Variants in ATP13A4 observed in about 807,000 individuals in gnomAD.
ATP13A4 encodes ATPase 13A4.
ATP13A4 carries 114 observed loss-of-function variants against 142.5 expected under a neutral mutation model. The observed-to-expected ratio is 0.80, with a 90% CI of 0.69 to 0.93. ATP13A4 has a LOEUF of 0.93. Among genes scored for constraint, ATP13A4 ranks in the 40% least tolerant of loss-of-function variants. The pLI, the probability that ATP13A4 is intolerant of heterozygous loss-of-function variation, is 0.00. For missense variants in ATP13A4, 1,392 were observed against 1,454.0 expected, an observed-to-expected ratio of 0.96 and a Z score of 0.69; for synonymous variants, 488 against 514.8, an observed-to-expected ratio of 0.95 and a Z score of 0.70.
intron 1 of ATP13A4, among the ~76,000 whole-genome samples, chr3:193,533,786 T>A (rs1346987874): frequency 1.3e-5 from 2 of 152,100 alleles, no homozygotes; most frequent in Non-Finnish European, 2.9e-5. Flanking sequence ...TCTTTCAACC[T>A]CCCTGCAAGG....
chr3:193,545,063 C>T (rs1299600738), intron 1 of ATP13A4, among the ~76,000 whole-genome samples: 1 of 152,078 alleles, frequency 6.6e-6, no homozygotes, highest in African/African-American at 2.4e-5. Context: ...CAAATAAAGT[C>T]AATGTGACAT....
At chr3:193,441,968 T>C (rs994632360) in intron 19 of ATP13A4, among the ~76,000 whole-genome samples, 5 of 152,320 alleles carry the variant, frequency 3.3e-5, no homozygotes, top group South Asian at 2.1e-4. Context: ...ACAACAGAGA[T>C]AGAATACTGA....
upstream of ATP13A4, among the ~76,000 whole-genome samples, chr3:193,556,833 C>T (rs1469560713): frequency 1.3e-5 from 2 of 152,112 alleles, no homozygotes; most frequent in African/African-American, 4.8e-5. Context: ...AACAGCCTTA[C>T]TAGGCAGTAA....
chr3:193,561,899 G>A (rs1157374079), intron 2 of ATP13A4, among the ~76,000 whole-genome samples: 1 of 152,098 alleles, frequency 6.6e-6, no homozygotes, highest in East Asian at 1.9e-4. Flanking sequence ...TATGAAACAC[G>A]CAACCGGACT....
intron 2 of ATP13A4, among the ~76,000 whole-genome samples, chr3:193,504,032 A>AGG (rs1720717260): frequency 7.9e-6 from 1 of 126,060 alleles, no homozygotes; most frequent in Non-Finnish European, 1.8e-5. Flanking sequence ...AGAGAGAGAG[A>AGG]GAGAGAGAGA....
At chr3:193,571,918 T>C (rs999578961) in intron 2 of ATP13A4, among the ~76,000 whole-genome samples, 13 of 152,174 alleles carry the variant, frequency 8.5e-5, no homozygotes, top group African/African-American at 3.1e-4. Context: ...TTATGGACTT[T>C]AGACTTTAGT....
intron 1 of ATP13A4, among the ~76,000 whole-genome samples, chr3:193,538,407 A>T (rs1279395464): frequency 6.6e-6 from 1 of 151,916 alleles, no homozygotes; most frequent in Non-Finnish European, 1.5e-5. Flanking sequence ...GATCCTAGAG[A>T]TCTACATCTA....
chr3:193,504,226 A>AGAAT (rs1190852095), intron 2 of ATP13A4, among the ~76,000 whole-genome samples: 33 of 152,312 alleles, frequency 2.2e-4, no homozygotes, highest in Admixed American at 1.9e-3. Flanking sequence ...GATGAGCCTA[A>AGAAT]GAATGGTGGA....
At chr3:193,407,216 G>A in intron 29 of ATP13A4, 97 bp downstream of exon 29, 1 of 1,087,292 alleles carries the variant, frequency 9.2e-7, no homozygotes, top group Non-Finnish European at 1.4e-6. Flanking sequence ...CTGAGTCCAT[G>A]TCAGCTAAAG....
At chr3:193,446,199 C>A (rs376975859) in intron 18 of ATP13A4, among the ~76,000 whole-genome samples, 160 of 151,924 alleles carry the variant, frequency 1.1e-3, no homozygotes, top group African/African-American at 3.6e-3. Flanking sequence ...ATAAATAAGA[C>A]AACTACAAGA....
chr3:193,538,028 G>T (rs990239286), intron 1 of ATP13A4, among the ~76,000 whole-genome samples: 3 of 152,112 alleles, frequency 2.0e-5, no homozygotes, highest in Non-Finnish European at 4.4e-5. Flanking sequence ...AACATTCTGT[G>T]TCTTGACTGT....
intron 1 of ATP13A4, among the ~76,000 whole-genome samples, chr3:193,549,242 A>G (rs1280209685): frequency 6.6e-6 from 1 of 152,184 alleles, no homozygotes; most frequent in East Asian, 1.9e-4. Flanking sequence ...CTAGGCCTTT[A>G]CCTTAAGGAA....
chr3:193,500,489 TGGGGATGC>T (rs1466809903), intron 3 of ATP13A4, among the ~76,000 whole-genome samples: 1 of 152,132 alleles, frequency 6.6e-6, no homozygotes. Context: ...TCACGAATCT[TGGGGATGC>T]GGTGATGGTT....
At chr3:193,542,767 G>A (rs1246567331) in intron 1 of ATP13A4, among the ~76,000 whole-genome samples, 2 of 152,166 alleles carry the variant, frequency 1.3e-5, no homozygotes, top group Admixed American at 1.3e-4. Context: ...GGGAAAACTG[G>A]CTAGCCATAT....
chr3:193,470,905 G>T lies in ATP13A4; in HGVS notation c.897C>A (p.Ala299=), dbSNP rs141926131. The change falls in exon 9 of 30, where the codon GCC becomes GCA. Residue 299 remains alanine, a synonymous_variant. Transcript: ENST00000342695. ...TGNKVLMPCD[A]VLIEGSCVVD... is the part of the protein sequence containing the mutation. ...CCACACAGCTGCCTTCAATCAGAACGGCATCACATGGCATTAGCACTTTGT... is the reference window on the plus strand; with the variant it reads ...CCACACAGCTGCCTTCAATCAGAACTGCATCACATGGCATTAGCACTTTGT... 1 of 1,614,072 alleles carries T rather than the reference G, an allele frequency of 6.2e-7. No individual in the cohort carries two copies. Among genetic ancestry groups the T allele is most frequent in the Non-Finnish European group, 8.5e-7 (1 of 1,180,020 alleles).
chr3:193,554,122 A>G (rs1723753177), intron 1 of ATP13A4: 1 of 154,864 alleles, frequency 6.5e-6, no homozygotes, highest in Admixed American at 6.3e-5. Flanking sequence ...AGATAGAAGC[A>G]CATCTAAAAT....
rs137872482 is a variant in ATP13A4, at chr3:193,453,036, T to C, written c.2027+1065A>G. ...AAGACTGAGGTATTTGAGTCTGCAA[T>C]ACATAACACACCTGTATCAGTCTGT... On this transcript the variant is annotated intron_variant, in intron 17 of 29. Coordinates refer to ENST00000342695, the MANE Select transcript of ATP13A4 (RefSeq NM_032279.4). Among the ~76,000 whole-genome samples the C allele has an allele frequency of 2.6e-5, 4 of 152,242 alleles. No individual in the cohort carries two copies. The East Asian group carries it at 7.7e-4, about 29-fold the overall frequency.
chr3:193,456,913 C>T (rs1166638942), intron 16 of ATP13A4, 87 bp downstream of exon 16: 12 of 1,493,948 alleles, frequency 8.0e-6, no homozygotes, highest in Middle Eastern at 1.7e-4. Flanking sequence ...GACCCATAGG[C>T]GATTGAATTA....
At chr3:193,460,003 G>A (rs941987185) in intron 13 of ATP13A4, among the ~76,000 whole-genome samples, 2 of 152,160 alleles carry the variant, frequency 1.3e-5, no homozygotes, top group African/African-American at 4.8e-5. Flanking sequence ...CAGCACAGGC[G>A]TTGGTTCTCA....
Sources: gnomAD v4.1 joint callset for allele counts (sites outside exome capture counted in the v4.1 genomes callset) on GRCh38, gnomAD v4.1.1 for gene constraint, MANE v1.5 for transcripts, NCBI Gene and HGNC (gene_info 2026-07-23, HGNC 2026-07-21) for gene names.